PCSK5: variants seen among roughly 807,000 people sequenced by gnomAD.
PCSK5 encodes prohormone convertase 5.
In PCSK5, 129 loss-of-function variants were observed where a neutral mutation model predicts 233.2. That is an observed-to-expected ratio of 0.55 (90% CI 0.48 to 0.64). The LOEUF (loss-of-function observed/expected upper bound fraction) is 0.64. Among genes scored for constraint, PCSK5 ranks in the 30% least tolerant of loss-of-function variants. The pLI, the probability that PCSK5 is intolerant of heterozygous loss-of-function variation, is 0.00. For synonymous variants in PCSK5, 825 were observed against 879.2 expected, an observed-to-expected ratio of 0.94 and a Z score of 1.09; for missense variants, 2,076 against 2,430.1, an observed-to-expected ratio of 0.85 and a Z score of 3.06.
chr9:75,893,071 C>A (rs543631121), intron 1 of PCSK5, among the ~76,000 whole-genome samples: 3 of 150,988 alleles, frequency 2.0e-5, no homozygotes, highest in African/African-American at 7.3e-5. Flanking sequence ...CTGCCTATGC[C>A]CTGGGAATGG....
chr9:76,233,563 A>C lies in PCSK5; in HGVS notation c.2833A>C (p.Ser945Arg). ...CCACACCTGCCAGAGATGCCAAGGA[A>C]GTGGCCCTACCCACTGCACCTCCTG... ...CHHTCQRCQG[S>R]GPTHCTSCGA... is the part of the protein sequence containing the mutation. The change falls in exon 22 of 38, where the codon AGT becomes CGT. Residue 945 changes from serine (S) to arginine (R), a missense_variant. By Grantham distance (110) the Ser-to-Arg change is moderately radical (BLOSUM62 -1). Coordinates refer to ENST00000674117, the MANE Select transcript of PCSK5 (RefSeq NM_001372043.1). 1 of 1,611,832 alleles carries C rather than the reference A, an allele frequency of 6.2e-7. No homozygotes were observed. The highest frequency in any genetic ancestry group is 8.5e-7 in the Non-Finnish European group (1 of 1,179,786).
intron 5 of PCSK5, among the ~76,000 whole-genome samples, chr9:76,032,720 C>G (rs1828699672): frequency 6.6e-6 from 1 of 152,118 alleles, no homozygotes; most frequent in Non-Finnish European, 1.5e-5. Context: ...AAATGCCTCC[C>G]TGCAAATGAA....
intron 15 of PCSK5, among the ~76,000 whole-genome samples, chr9:76,180,188 A>G (rs914780343): frequency 6.6e-6 from 1 of 151,776 alleles, no homozygotes; most frequent in African/African-American, 2.4e-5. Context: ...TCACATACTT[A>G]TCTTTTTTTG....
chr9:75,918,860 A>G (rs1823119745), intron 1 of PCSK5, among the ~76,000 whole-genome samples: 1 of 152,212 alleles, frequency 6.6e-6, no homozygotes, highest in Non-Finnish European at 1.5e-5. Flanking sequence ...TTGATCATAT[A>G]TTTTAATCTA....
At chr9:76,131,204 A>C (rs1039131733) in intron 9 of PCSK5, among the ~76,000 whole-genome samples, 1 of 152,136 alleles carries the variant, frequency 6.6e-6, no homozygotes, top group Non-Finnish European at 1.5e-5. Flanking sequence ...TATAAATACA[A>C]ATGAAAAGTA....
intron 1 of PCSK5, among the ~76,000 whole-genome samples, chr9:75,929,117 T>C (rs958769869): frequency 2.6e-5 from 4 of 151,998 alleles, no homozygotes; most frequent in Non-Finnish European, 1.5e-5. Context: ...GTATTTTTAG[T>C]AGAGATGGGG....
chr9:76,153,137 G>A lies in PCSK5; in HGVS notation c.1313-3908G>A, dbSNP rs975300222. Among the ~76,000 whole-genome samples the A allele has an allele frequency of 2.0e-5, 3 of 152,102 alleles. No homozygotes were observed. In the South Asian group the frequency reaches 6.2e-4, roughly 32 times the overall value. On this transcript the variant is annotated intron_variant, in intron 10 of 37. Transcript: ENST00000674117. ...TACCTATCAAAATGTAAGCAGCCCT[G>A]AACTCTAAAGGAACAGATATAACAG...
At chr9:76,084,588 C>T (rs1207098557) in intron 7 of PCSK5, among the ~76,000 whole-genome samples, 1 of 152,152 alleles carries the variant, frequency 6.6e-6, no homozygotes, top group Non-Finnish European at 1.5e-5. Flanking sequence ...TGAACTCCTC[C>T]TCACAAGAGT....
At chr9:76,245,126 G>A (rs1826548301) in intron 24 of PCSK5, among the ~76,000 whole-genome samples, 1 of 152,116 alleles carries the variant, frequency 6.6e-6, no homozygotes, top group Non-Finnish European at 1.5e-5. Context: ...TATAACCTGA[G>A]ATCCAGACAT....
chr9:76,355,679 T>TTTTC (rs1160395694), intron 37 of PCSK5, among the ~76,000 whole-genome samples: 56 of 151,856 alleles, frequency 3.7e-4, no homozygotes, highest in Admixed American at 1.8e-3. Context: ...TTGATTAGCA[T>TTTTC]TTTCTTTCTT....
chr9:76,015,849 C>T (rs1827926812), intron 3 of PCSK5, among the ~76,000 whole-genome samples: 1 of 152,136 alleles, frequency 6.6e-6, no homozygotes, highest in South Asian at 2.1e-4. Context: ...TTTAGCAAAC[C>T]ACACCTTCCT....
chr9:75,943,515 A>G (rs890509498), intron 2 of PCSK5, among the ~76,000 whole-genome samples: 2 of 152,094 alleles, frequency 1.3e-5, no homozygotes, highest in African/African-American at 4.8e-5. Context: ...CATTGAAAGG[A>G]CGTTATTTGT....
chr9:76,296,566 C>G, intron 26 of PCSK5, 99 bp from the exon 27 acceptor site: 1 of 719,470 alleles, frequency 1.4e-6, no homozygotes, highest in Non-Finnish European at 2.4e-6. Context: ...AAAACAAATG[C>G]AAAGAAAAAT....
In PCSK5 at chr9:76,122,301, A is replaced by G. The variant is rs539633119; in HGVS notation, c.1209-11808A>G. 1.0e-4 allele frequency among the ~76,000 whole-genome samples: 15 copies of G among 149,644 alleles called. No individual in the cohort carries two copies. The East Asian group carries it at 2.2e-3, about 22-fold the overall frequency. ...TTCCTGTTTTCCTCTTCATTCTTTTATGACTCTTATTGGCTGAATCATGGT... is the reference window on the plus strand; with the variant it reads ...TTCCTGTTTTCCTCTTCATTCTTTTGTGACTCTTATTGGCTGAATCATGGT... On this transcript the variant is annotated intron_variant, in intron 9 of 37. Coordinates refer to ENST00000674117, the MANE Select transcript of PCSK5 (RefSeq NM_001372043.1).
rs1364065769 is a variant in PCSK5, at chr9:76,362,492, T to G, written c.*3570T>G. ...CAAAGACCAAGCTAGCTTTATCAAT[T>G]CTGAATTTTCTCTCCTAAAAATCAG... is the stretch of plus-strand genomic sequence containing the variant. On this transcript the variant is annotated 3_prime_UTR_variant, in exon 38 of 38. Transcript: ENST00000674117. Among the ~76,000 whole-genome samples, 2 of 152,198 alleles carry G rather than the reference T, an allele frequency of 1.3e-5. No individual in the cohort carries two copies. The highest frequency in any genetic ancestry group is 2.9e-5 in the Non-Finnish European group (2 of 68,032).
chr9:76,330,479 T>C (rs1829495403), intron 33 of PCSK5, among the ~76,000 whole-genome samples: 1 of 152,142 alleles, frequency 6.6e-6, no homozygotes, highest in Non-Finnish European at 1.5e-5. Flanking sequence ...CTGGGCGCAG[T>C]GGCTCATGCC....
At chr9:76,132,873 CT>C (rs1431913444) in intron 9 of PCSK5, among the ~76,000 whole-genome samples, 4 of 151,954 alleles carry the variant, frequency 2.6e-5, no homozygotes, top group Admixed American at 2.6e-4. Flanking sequence ...GAAGGCCGCC[CT>C]GACCACCCTA....
At position 75,928,601 on chromosome 9, in the gene PCSK5, A is replaced by ATATATATGTATATATATG. The variant is rs1438782487; in HGVS notation, c.193-3771_193-3770insGTATATATATGTATATAT. Among the ~76,000 whole-genome samples, 33 of 79,858 alleles carry ATATATATGTATATATATG rather than the reference A, an allele frequency of 4.1e-4. 1 individual carries two copies. The highest frequency in any genetic ancestry group is 1.8e-3 in the African/African-American group (31 of 16,864). 52.4% of individuals were successfully genotyped at this position (79,858 alleles called of 152,430 possible). A position where few individuals can be genotyped will look rare whatever the true frequency, so the allele number is the denominator to read the frequency against. ...CATGCTTTTACATATAAATACATAT[A>ATATATATGTATATATATG]TATATATATATATATATATATATAT... On this transcript the variant is annotated intron_variant, in intron 1 of 37. Transcript: ENST00000674117.
At chr9:75,895,332 G>C (rs997141435) in intron 1 of PCSK5, among the ~76,000 whole-genome samples, 4 of 152,190 alleles carry the variant, frequency 2.6e-5, no homozygotes, top group Non-Finnish European at 5.9e-5. Context: ...GGCTTGCAGC[G>C]AAAGGTTTGT....
Sources: gnomAD v4.1 joint callset for allele counts (sites outside exome capture counted in the v4.1 genomes callset) on GRCh38, gnomAD v4.1.1 for gene constraint, MANE v1.5 for transcripts, NCBI Gene and HGNC (gene_info 2026-07-23, HGNC 2026-07-21) for gene names.